The following CCDC85C variants were observed in gnomAD, a reference collection of about 807,000 sequenced individuals.
CCDC85C encodes the protein coiled-coil domain-containing protein 85C.
CCDC85C carries 18 observed loss-of-function variants against 38.3 expected under a neutral mutation model. The ratio of observed to expected loss-of-function variants is 0.47; its 90% confidence interval spans 0.33 to 0.70. CCDC85C has a LOEUF of 0.70. Among genes scored for constraint, CCDC85C ranks in the 30% least tolerant of loss-of-function variants. The pLI, the probability that CCDC85C is intolerant of heterozygous loss-of-function variation, is 0.03. For synonymous variants in CCDC85C, 264 were observed against 293.8 expected, an observed-to-expected ratio of 0.90 and a Z score of 1.04; for missense variants, 566 against 621.2, an observed-to-expected ratio of 0.91 and a Z score of 0.94.
chr14:99,586,705 A>G (rs891940342), intron 1 of CCDC85C, among the ~76,000 whole-genome samples: 1 of 152,188 alleles, frequency 6.6e-6, no homozygotes, highest in Non-Finnish European at 1.5e-5. Flanking sequence ...ACTGTCATAC[A>G]TGAGCCTCTC....
chr14:99,603,020 C>A lies in CCDC85C; in HGVS notation c.793+147G>T. 2.8e-6 allele frequency: 3 copies of A among 1,089,478 alleles called. No homozygotes were observed. The highest frequency in any genetic ancestry group is 3.5e-6 in the Non-Finnish European group (3 of 855,886). The allele number at this position is 1,089,478 out of a possible 1,614,324, so 67.5% of individuals were successfully genotyped here. A position where few individuals can be genotyped will look rare whatever the true frequency, so the allele number is the denominator to read the frequency against. ...GCCCCACTTTGGGTGAGTGCGGGAT[C>A]CCCTGGCCCAGGATCCATGACAGCT... On this transcript the variant is annotated intron_variant, in intron 1 of 5. Coordinates refer to ENST00000380243, the MANE Select transcript of CCDC85C (RefSeq NM_001144995.2). The surrounding 1 kb of genome is among the most constrained non-coding windows in gnomAD (Gnocchi z 7.5).
intron 1 of CCDC85C, among the ~76,000 whole-genome samples, chr14:99,571,060 CAA>C (rs1898330168): frequency 6.6e-6 from 1 of 152,124 alleles, no homozygotes; most frequent in South Asian, 2.1e-4. Flanking sequence ...TGCCTGTGCC[CAA>C]GTGACCCCAC....
In CCDC85C at chr14:99,548,148, G is replaced by A. The variant is rs1423974985; in HGVS notation, c.794-12060C>T. The stretch of plus-strand genomic sequence containing the variant: ...GGTGAGCAGAGTTGGACAACAAGCT[G>A]CCATCTGGGAGGAGCCATGTGTAAG... On this transcript the variant is annotated intron_variant, in intron 1 of 5. Transcript: ENST00000380243. The surrounding 1 kb of genome is among the most constrained non-coding windows in gnomAD (Gnocchi z 4.9). Among the ~76,000 whole-genome samples, 1 of 152,056 alleles carries A rather than the reference G, an allele frequency of 6.6e-6. No individual in the cohort carries two copies. Among genetic ancestry groups the A allele is most frequent in the Non-Finnish European group, 1.5e-5 (1 of 68,006 alleles).
intron 1 of CCDC85C, among the ~76,000 whole-genome samples, chr14:99,594,476 T>C (rs941555): frequency 0.98 from 149,391 of 152,328 alleles, 73,326 homozygotes; most frequent in Middle Eastern, 1. Context: ...TGGTCACAGG[T>C]AGCCTCACCA....
intron 3 of CCDC85C, among the ~76,000 whole-genome samples, chr14:99,518,331 C>T (rs1294154995): frequency 1.3e-5 from 2 of 152,126 alleles, no homozygotes; most frequent in Non-Finnish European, 2.9e-5. Context: ...AGGCCCCACC[C>T]CTGAGGCTAG....
chr14:99,538,813 T>C (rs1301278548), intron 1 of CCDC85C, among the ~76,000 whole-genome samples: 1 of 152,196 alleles, frequency 6.6e-6, no homozygotes, highest in Non-Finnish European at 1.5e-5. Context: ...TTAAAGACAG[T>C]GATCAGGCTG....
intron 1 of CCDC85C, chr14:99,583,177 T>C (rs2054991867): frequency 1.3e-5 from 2 of 152,226 alleles, no homozygotes; most frequent in South Asian, 4.1e-4. Context: ...TTTTAAAAGA[T>C]AAAACTGCTC....
At chr14:99,579,399 G>A (rs1056585070) in intron 1 of CCDC85C, among the ~76,000 whole-genome samples, 5 of 152,342 alleles carry the variant, frequency 3.3e-5, no homozygotes, top group South Asian at 2.1e-4. Flanking sequence ...CTCCGAGTCT[G>A]CTGTGGGCTC....
intron 2 of CCDC85C, among the ~76,000 whole-genome samples, chr14:99,523,729 G>A (rs142022039): frequency 6.6e-6 from 1 of 152,080 alleles, no homozygotes; most frequent in Non-Finnish European, 1.5e-5. Flanking sequence ...TTCCTGCAGG[G>A]CCCCCAAAGT....
chr14:99,559,221 C>CT (rs1555370437), intron 1 of CCDC85C, among the ~76,000 whole-genome samples: 3 of 151,810 alleles, frequency 2.0e-5, no homozygotes, highest in Non-Finnish European at 4.4e-5. Flanking sequence ...GGAGTCCCCC[C>CT]GAGAGCCTCC....
intron 1 of CCDC85C, among the ~76,000 whole-genome samples, chr14:99,599,742 T>C (rs1369838732): frequency 6.6e-6 from 1 of 151,910 alleles, no homozygotes; most frequent in African/African-American, 2.4e-5. Context: ...ATTCAAAAAT[T>C]ATCTGGGCAT....
At position 99,511,778 on chromosome 14, in the gene CCDC85C, C is replaced by CTT. The variant is rs1356407146; in HGVS notation, c.*3466_*3467dup. 3.3e-5 allele frequency: 5 copies of CTT among 152,756 alleles called. No homozygotes were observed. Among genetic ancestry groups the CTT allele is most frequent in the East Asian group, 1.9e-4 (1 of 5,188 alleles). 9.5% of individuals were successfully genotyped at this position (152,756 alleles called of 1,614,324 possible). A position where few individuals can be genotyped will look rare whatever the true frequency, so the allele number is the denominator to read the frequency against. On this transcript the variant is annotated 3_prime_UTR_variant, in exon 6 of 6. Transcript: ENST00000380243. ...GGTTGAGTTCCAAACCAGTTTGAAA[C>CTT]TTTGAAGCCTTGCTGCGTAGAACGC... is the stretch of plus-strand genomic sequence containing the variant.
intron 3 of CCDC85C, among the ~76,000 whole-genome samples, chr14:99,521,780 T>C (rs1336069801): frequency 1.3e-5 from 2 of 152,192 alleles, no homozygotes; most frequent in East Asian, 3.9e-4. Context: ...AGGCTGGTCA[T>C]TTCAGTGCAG....
chr14:99,565,369 G>A (rs1266021607), intron 1 of CCDC85C, among the ~76,000 whole-genome samples: 1 of 152,238 alleles, frequency 6.6e-6, no homozygotes, highest in Non-Finnish European at 1.5e-5. Flanking sequence ...CCCCTGGCAT[G>A]CAATGCCTGG....
chr14:99,594,539 C>T (rs181987498), intron 1 of CCDC85C, among the ~76,000 whole-genome samples: 2 of 152,340 alleles, frequency 1.3e-5, no homozygotes, highest in Non-Finnish European at 2.9e-5. Flanking sequence ...TGATAAAACC[C>T]AGGCTGTAGG....
At position 99,544,917 on chromosome 14, in the gene CCDC85C, C is replaced by T. The variant is rs1287906314; in HGVS notation, c.794-8829G>A. On this transcript the variant is annotated intron_variant, in intron 1 of 5. Coordinates refer to ENST00000380243, the MANE Select transcript of CCDC85C (RefSeq NM_001144995.2). This position sits in a 1 kb window ranked among gnomAD's most constrained non-coding sequence, Gnocchi z 5.3. ...ATCATGGGAACCTAAAGTCCCACCTCGCGGATGCATGCAAAAACGGAGCTG... is the reference window on the plus strand; with the variant it reads ...ATCATGGGAACCTAAAGTCCCACCTTGCGGATGCATGCAAAAACGGAGCTG... 1.3e-5 allele frequency among the ~76,000 whole-genome samples: 2 copies of T among 152,154 alleles called. No homozygotes were observed. Among genetic ancestry groups the T allele is most frequent in the Non-Finnish European group, 2.9e-5 (2 of 68,030 alleles).
chr14:99,581,787 C>T (rs2054973358), intron 1 of CCDC85C, among the ~76,000 whole-genome samples: 1 of 152,202 alleles, frequency 6.6e-6, no homozygotes. Flanking sequence ...CAGATGTGAG[C>T]AGCTATTTTA....
Position 99,507,278 on chromosome 14 carries a change from T to C in CCDC85C, c.*7968A>G. ...CAATGTCAGCCACAGGCAGGAATCT[T>C]TGCAAAATTGTTCTTGGGCTGGGCA... On this transcript the variant is annotated 3_prime_UTR_variant, in exon 6 of 6. Coordinates refer to ENST00000380243, the MANE Select transcript of CCDC85C (RefSeq NM_001144995.2). 1 of 726,858 alleles carries C rather than the reference T, an allele frequency of 1.4e-6. No homozygotes were observed. Among genetic ancestry groups the C allele is most frequent in the South Asian group, 1.4e-5 (1 of 69,016 alleles). 45.0% of individuals were successfully genotyped at this position (726,858 alleles called of 1,614,324 possible). A position where few individuals can be genotyped will look rare whatever the true frequency, so the allele number is the denominator to read the frequency against.
At chr14:99,552,697 C>T (rs1264508784) in intron 1 of CCDC85C, among the ~76,000 whole-genome samples, 2 of 152,228 alleles carry the variant, frequency 1.3e-5, no homozygotes, top group African/African-American at 4.8e-5. Context: ...CACCACTTCA[C>T]GTGCTCAGCT....
Sources: gnomAD v4.1 joint callset for allele counts (sites outside exome capture counted in the v4.1 genomes callset) on GRCh38, gnomAD v4.1.1 for gene constraint, Gnocchi (gnomAD v3.1) non-coding constraint, MANE v1.5 for transcripts, NCBI Gene and HGNC (gene_info 2026-07-23, HGNC 2026-07-21) for gene names.